Variants in FABP6 observed in about 807,000 individuals in gnomAD.
FABP6 encodes gastrotropin.
FABP6 carries 13 observed loss-of-function variants against 14.9 expected under a neutral mutation model. The ratio of observed to expected loss-of-function variants is 0.87; its 90% CI spans 0.57 to 1.39. The LOEUF is 1.39. Ranked by LOEUF, FABP6 falls within the 40% of genes most tolerant of loss-of-function variation. The pLI is 0.00. For synonymous variants in FABP6, 75 were observed against 63.6 expected (o/e 1.18, Z -0.85); for missense variants, 161 against 167.2 (o/e 0.96, Z 0.20).
intron 1 of FABP6, among the ~76,000 whole-genome samples, chr5:160,193,958 C>T (rs916030116): frequency 1.3e-5 from 2 of 152,196 alleles, no homozygotes; most frequent in African/African-American, 2.4e-5. Flanking sequence ...CGGCGCTCGT[C>T]GGGGAGGCTC....
chr5:160,208,944 T>C (rs1759827124), intron 2 of FABP6, among the ~76,000 whole-genome samples: 1 of 151,854 alleles, frequency 6.6e-6, no homozygotes, highest in Non-Finnish European at 1.5e-5. Flanking sequence ...ACCCAACTAA[T>C]TTTTTGTATT....
At chr5:160,204,236 G>A (rs1239873322) in intron 2 of FABP6, among the ~76,000 whole-genome samples, 2 of 151,816 alleles carry the variant, frequency 1.3e-5, no homozygotes, top group Non-Finnish European at 2.9e-5. Flanking sequence ...AGCATTGCTT[G>A]AACCCAGGAG....
chr5:160,191,657 G>A (rs1466281617), intron 1 of FABP6, among the ~76,000 whole-genome samples: 1 of 151,656 alleles, frequency 6.6e-6, no homozygotes, highest in East Asian at 2.0e-4. Flanking sequence ...TATTGCCAAG[G>A]CTGGTGTTGA....
At chr5:160,193,181 C>T (rs546758262) in intron 1 of FABP6, among the ~76,000 whole-genome samples, 8 of 152,160 alleles carry the variant, frequency 5.3e-5, no homozygotes, top group African/African-American at 1.7e-4. Flanking sequence ...TTCAGAGTTT[C>T]TTCCTTCTGG....
chr5:160,238,303 G>T (rs1760563001), intron 3 of FABP6, among the ~76,000 whole-genome samples: 1 of 152,102 alleles, frequency 6.6e-6, no homozygotes, highest in African/African-American at 2.4e-5. Context: ...AACCTCACAG[G>T]GCTGTTGGGA....
intron 3 of FABP6, among the ~76,000 whole-genome samples, chr5:160,216,650 T>A (rs1419161982): frequency 6.6e-6 from 1 of 152,180 alleles, no homozygotes; most frequent in African/African-American, 2.4e-5. Context: ...CAAGCACCAC[T>A]TAGTTCAGAA....
chr5:160,204,502 G>T (rs1047490982), intron 2 of FABP6, among the ~76,000 whole-genome samples: 1 of 151,690 alleles, frequency 6.6e-6, no homozygotes, highest in South Asian at 2.1e-4. Flanking sequence ...TTTTTAGGGG[G>T]GGTGGGGATG....
intron 3 of FABP6, among the ~76,000 whole-genome samples, chr5:160,220,566 C>T (rs1478817339): frequency 6.6e-6 from 1 of 151,738 alleles, no homozygotes; most frequent in African/African-American, 2.4e-5. Context: ...CACTGCACTC[C>T]ACCCTGGGTG....
At chr5:160,227,139 C>G (rs1760265598), upstream of FABP6, among the ~76,000 whole-genome samples, 1 of 152,178 alleles carries the variant, frequency 6.6e-6, no homozygotes, top group South Asian at 2.1e-4. Flanking sequence ...ATATGATATA[C>G]CCTTTTGTAA....
chr5:160,210,956 G>A (rs574443160), intron 2 of FABP6, among the ~76,000 whole-genome samples: 5 of 152,220 alleles, frequency 3.3e-5, no homozygotes, highest in South Asian at 4.1e-4. Flanking sequence ...GCATGGGAGC[G>A]GGACGACCTT....
intron 3 of FABP6, chr5:160,213,876 A>G: frequency 7.1e-7 from 1 of 1,399,942 alleles, no homozygotes; most frequent in Admixed American, 1.7e-5. Flanking sequence ...TTCTGGTTCT[A>G]GTTCCTCATG....
chr5:160,203,389 G>C (rs916920409), intron 2 of FABP6, among the ~76,000 whole-genome samples: 1 of 152,168 alleles, frequency 6.6e-6, no homozygotes, highest in Non-Finnish European at 1.5e-5. Flanking sequence ...TGGAAAACTG[G>C]CCTATTTCTA....
chr5:160,220,886 A>G (rs1414431260), intron 3 of FABP6, among the ~76,000 whole-genome samples: 1 of 151,630 alleles, frequency 6.6e-6, no homozygotes, highest in Non-Finnish European at 1.5e-5. Flanking sequence ...TCAGGAGTTC[A>G]AGACCAGCCT....
chr5:160,196,964 C>G (rs1322255854), intron 1 of FABP6: 1 of 152,260 alleles, frequency 6.6e-6, no homozygotes, highest in Non-Finnish European at 1.5e-5. Flanking sequence ...TACTCCAGAC[C>G]TTATTAGGCT....
chr5:160,190,976 C>T (rs1019593229), intron 1 of FABP6, among the ~76,000 whole-genome samples: 3 of 148,972 alleles, frequency 2.0e-5, no homozygotes, highest in Middle Eastern at 3.5e-3. Flanking sequence ...AATTAGCCAG[C>T]GTGGTGTACT....
At chr5:160,203,622 C>T (rs1195255138) in intron 2 of FABP6, among the ~76,000 whole-genome samples, 1 of 152,132 alleles carries the variant, frequency 6.6e-6, no homozygotes, top group Non-Finnish European at 1.5e-5. Context: ...CTTAGCCACC[C>T]AAGTAGCTGG....
chr5:160,200,065 C>T (rs73817325), intron 2 of FABP6, among the ~76,000 whole-genome samples: 6,191 of 152,258 alleles, frequency 0.041, 271 homozygotes, highest in East Asian at 0.19. Context: ...ACTGAGGCTC[C>T]AGCAGTGAAA....
rs1431418510 is a variant in FABP6, at chr5:160,234,833, T to C, written c.257T>C (p.Met86Thr). ...CTTCCATTCCAGGCCACTGTGCAGA[T>C]GGAGGGCGGGAAGCTGGTGGTGAAT... ...GGKTFKATVQMEGGKLVVNFP... is the reference protein window; with the variant it reads ...GGKTFKATVQTEGGKLVVNFP... The change falls in exon 3 of 4, where the codon ATG becomes ACG. Residue 86 changes from methionine to threonine, a missense_variant. Coordinates refer to ENST00000402432, the MANE Select transcript of FABP6 (RefSeq NM_001445.3). 15 of 1,610,946 alleles carry C rather than the reference T, an allele frequency of 9.3e-6. No homozygotes were observed. The highest frequency in any genetic ancestry group is 1.3e-5 in the Non-Finnish European group (15 of 1,178,338).
intron 1 of FABP6, among the ~76,000 whole-genome samples, chr5:160,192,597 T>G (rs146830803): frequency 1.3e-5 from 2 of 152,324 alleles, no homozygotes; most frequent in East Asian, 1.9e-4. Flanking sequence ...AATCATCCAA[T>G]AGACACTGGG....
Sources: allele counts gnomAD v4.1 joint callset (sites outside exome capture counted in the v4.1 genomes callset), GRCh38; gene constraint gnomAD v4.1.1; transcripts MANE v1.5; gene names NCBI Gene and HGNC (gene_info 2026-07-23, HGNC 2026-07-21).